The following FNDC3A variants were observed in gnomAD, a reference collection of about 807,000 sequenced individuals.
The protein encoded by FNDC3A is fibronectin type III domain containing 3A.
FNDC3A carries 32 observed loss-of-function variants against 148.9 expected under a neutral mutation model. The ratio of observed to expected loss-of-function variants is 0.21; its 90% CI spans 0.16 to 0.29. The LOEUF (loss-of-function observed/expected upper bound fraction) is 0.29. Among genes scored for constraint, FNDC3A ranks in the 10% least tolerant of loss-of-function variants. The pLI, the probability that FNDC3A is intolerant of heterozygous loss-of-function variation, is 1.00. For synonymous variants in FNDC3A, 472 were observed against 473.6 expected (o/e 1.00, Z 0.04); for missense variants, 1,191 against 1,452.8 (o/e 0.82, Z 2.93).
chr13:49,207,018 G>A, intron 25 of FNDC3A, 63 bp from the exon 26 acceptor site: 2 of 1,240,594 alleles, frequency 1.6e-6, no homozygotes, highest in Admixed American at 1.9e-5. Flanking sequence ...ACACTAGCCA[G>A]TTTTAACACA....
chr13:49,168,516 T>C (rs1884595958), intron 9 of FNDC3A, 97 bp from the exon 10 acceptor site: 1 of 726,946 alleles, frequency 1.4e-6, no homozygotes, highest in Admixed American at 2.9e-5. Context: ...GAACTTTTAG[T>C]GGACACCTTC....
intron 2 of FNDC3A, among the ~76,000 whole-genome samples, chr13:49,067,184 T>A (rs567553747): frequency 9.2e-5 from 14 of 152,302 alleles, no homozygotes; most frequent in Middle Eastern, 3.4e-3. Context: ...TTAAAAAAAA[T>A]TAGCTTTTGG....
chr13:49,049,444 T>C (rs1875663201), intron 2 of FNDC3A, among the ~76,000 whole-genome samples: 1 of 151,692 alleles, frequency 6.6e-6, no homozygotes. Flanking sequence ...GTCCTGGCCT[T>C]TTTTTTTGTT....
intron 3 of FNDC3A, among the ~76,000 whole-genome samples, chr13:49,107,051 G>A (rs1880240919): frequency 1.3e-5 from 2 of 152,176 alleles, no homozygotes; most frequent in Non-Finnish European, 2.9e-5. Flanking sequence ...GGATTAGATG[G>A]TGAAGGAGCA....
chr13:49,131,333 A>G lies in FNDC3A; in HGVS notation c.449A>G (p.Tyr150Cys), dbSNP rs1450590317. The G allele has an allele frequency of 6.2e-7, 1 of 1,613,848 alleles. No homozygotes were observed. The highest frequency in any genetic ancestry group is 1.3e-5 in the African/African-American group (1 of 74,912). ...GGAGCTGGAGACATGACAACACAGT[A>G]TATGCCACAGTATCAGTCTTCACAA... Reference protein sequence around the residue: ...VTGAGDMTTQYMPQYQSSQVY... With the variant: ...VTGAGDMTTQCMPQYQSSQVY... Residue 150 changes from tyrosine (Y) to cysteine (C), a missense_variant, in exon 5 of 26, where the codon TAT becomes TGT. Transcript: ENST00000492622.
At chr13:49,104,252 C>T (rs1054399078) in intron 3 of FNDC3A, among the ~76,000 whole-genome samples, 6 of 152,060 alleles carry the variant, frequency 3.9e-5, no homozygotes, top group African/African-American at 1.2e-4. Context: ...TGGGGCCGGG[C>T]GCAGTGGCTC....
intron 2 of FNDC3A, among the ~76,000 whole-genome samples, chr13:49,058,898 T>C (rs999914741): frequency 5.3e-5 from 8 of 152,330 alleles, no homozygotes; most frequent in Middle Eastern, 3.4e-3. Flanking sequence ...TGGTTCACTC[T>C]TCATTCTTTC....
At chr13:49,064,411 C>CCCA (rs1555286179) in intron 2 of FNDC3A, among the ~76,000 whole-genome samples, 31 of 90,054 alleles carry the variant, frequency 3.4e-4, no homozygotes, top group South Asian at 4.6e-4. Context: ...GCCCCCCCCC[C>CCCA]AAAAAAAAAA....
intron 8 of FNDC3A, among the ~76,000 whole-genome samples, chr13:49,166,972 T>G (rs765181474): frequency 1.6e-5 from 2 of 128,846 alleles, no homozygotes; most frequent in South Asian, 2.5e-4. Context: ...AAGCTAAATA[T>G]CTTCCTTAAC....
chr13:49,012,735 C>T (rs1056672808), intron 2 of FNDC3A, among the ~76,000 whole-genome samples: 6 of 150,432 alleles, frequency 4.0e-5, no homozygotes, highest in Non-Finnish European at 5.9e-5. Flanking sequence ...TATAATTTTT[C>T]CCATAAAGGT....
In FNDC3A at chr13:49,207,234, C is replaced by G; in HGVS notation, c.3436C>G (p.Gln1146Glu). ...PYSTTVLFIS[Q>E]RTEPPASTNR... ...CAGCACCACAGTGCTCTTCATCTCT[C>G]AGAGGACTGAACCACCAGCCAGCAC... Residue 1146 changes from glutamine to glutamate, a missense_variant, in exon 26 of 26, where the codon CAG (glutamine) becomes GAG (glutamate). By Grantham distance (29) the Gln-to-Glu change is conservative. Transcript: ENST00000492622. 1 of 1,614,196 alleles carries G rather than the reference C, an allele frequency of 6.2e-7. No individual in the cohort carries two copies. Among genetic ancestry groups the G allele is most frequent in the Non-Finnish European group, 8.5e-7 (1 of 1,180,026 alleles).
At chr13:49,093,829 A>G (rs189234123) in intron 3 of FNDC3A, among the ~76,000 whole-genome samples, 32 of 152,318 alleles carry the variant, frequency 2.1e-4, no homozygotes, top group Middle Eastern at 3.4e-3. Context: ...CCTCAAGACT[A>G]TCTCTATCAA....
At chr13:49,107,778 C>G (rs946076610) in intron 3 of FNDC3A, among the ~76,000 whole-genome samples, 4 of 152,030 alleles carry the variant, frequency 2.6e-5, no homozygotes, top group Non-Finnish European at 5.9e-5. Flanking sequence ...AGGGATTGAC[C>G]AGGGAAAGAT....
chr13:49,016,159 A>T (rs1872761509), intron 2 of FNDC3A, among the ~76,000 whole-genome samples: 1 of 152,154 alleles, frequency 6.6e-6, no homozygotes, highest in Non-Finnish European at 1.5e-5. Context: ...TGTTGATTGG[A>T]ATAGTTTCAG....
chr13:49,058,280 C>T (rs1353789749), intron 2 of FNDC3A, among the ~76,000 whole-genome samples: 1 of 152,026 alleles, frequency 6.6e-6, no homozygotes, highest in Non-Finnish European at 1.5e-5. Context: ...CTGCATACAC[C>T]AGTAATTAGA....
At chr13:49,135,631 T>C (rs1593641291) in intron 5 of FNDC3A, among the ~76,000 whole-genome samples, 1 of 152,170 alleles carries the variant, frequency 6.6e-6, no homozygotes, top group African/African-American at 2.4e-5. Flanking sequence ...TTAAAACTTT[T>C]TACTGAGGCT....
chr13:49,099,703 AAAAT>A (rs1480476203), intron 3 of FNDC3A, among the ~76,000 whole-genome samples: 3 of 152,154 alleles, frequency 2.0e-5, no homozygotes, highest in African/African-American at 2.4e-5. Flanking sequence ...ATGCAGAAGA[AAAAT>A]AAAGACGATT....
At chr13:49,193,862 G>A (rs998607547) in intron 19 of FNDC3A, among the ~76,000 whole-genome samples, 4 of 152,066 alleles carry the variant, frequency 2.6e-5, no homozygotes, top group Admixed American at 2.6e-4. Context: ...GGAGGTTACA[G>A]TGAGCTGAAA....
intron 6 of FNDC3A, 114 bp downstream of exon 6, chr13:49,136,715 A>G (rs1882386246): frequency 9.8e-7 from 1 of 1,017,700 alleles, no homozygotes; most frequent in Admixed American, 2.4e-5. Flanking sequence ...AGACTGTTAC[A>G]GGCTGCTGCT....
Sources: allele counts gnomAD v4.1 joint callset (sites outside exome capture counted in the v4.1 genomes callset), GRCh38; gene constraint gnomAD v4.1.1; transcripts MANE v1.5; gene names NCBI Gene and HGNC (gene_info 2026-07-23, HGNC 2026-07-21).